MGAT4C: variants seen among roughly 807,000 people sequenced by gnomAD.
The protein encoded by MGAT4C is MGAT4 family member C.
In MGAT4C, 19 loss-of-function variants were observed where a neutral mutation model predicts 40.1. The observed-to-expected ratio is 0.47, with a 90% CI of 0.33 to 0.70. The LOEUF (loss-of-function observed/expected upper bound fraction) is 0.70, where lower values mean the gene tolerates loss of function less well. MGAT4C is among the 30% of genes least tolerant of loss of function. The probability of loss-of-function intolerance (pLI) is 0.02; values close to 1 mark genes in which losing one functional copy is unlikely to be tolerated. For synonymous variants in MGAT4C, 181 were observed against 187.1 expected (o/e 0.97, Z 0.27); for missense variants, 491 against 563.2 (o/e 0.87, Z 1.30).
At chr12:86,350,867 T>G (rs1025736316) in intron 3 of MGAT4C, among the ~76,000 whole-genome samples, 1 of 152,066 alleles carries the variant, frequency 6.6e-6, no homozygotes, top group African/African-American at 2.4e-5. Context: ...TAATACAAAT[T>G]GACACAATCT....
At chr12:86,296,425 C>T (rs534389183) in intron 4 of MGAT4C, among the ~76,000 whole-genome samples, 27 of 152,376 alleles carry the variant, frequency 1.8e-4, no homozygotes, top group East Asian at 1.7e-3. Context: ...CTTGGGCGGT[C>T]GATGGGACTG....
intron 2 of MGAT4C, among the ~76,000 whole-genome samples, chr12:86,029,864 GTGTC>G (rs1890582617): frequency 6.6e-6 from 1 of 151,798 alleles, no homozygotes; most frequent in South Asian, 2.1e-4. Context: ...AGAGGAGAAA[GTGTC>G]TGGGGATTAA....
At chr12:86,297,351 T>G (rs1953707001) in intron 4 of MGAT4C, among the ~76,000 whole-genome samples, 1 of 152,168 alleles carries the variant, frequency 6.6e-6, no homozygotes, top group Admixed American at 6.5e-5. Flanking sequence ...ATAGTATGAT[T>G]TTGCACGTGA....
intron 2 of MGAT4C, among the ~76,000 whole-genome samples, chr12:85,996,414 G>A (rs1565832861): frequency 6.6e-6 from 1 of 152,174 alleles, no homozygotes; most frequent in South Asian, 2.1e-4. Context: ...AAAGCACAGA[G>A]AGAGGGACAA....
In MGAT4C at chr12:86,276,115, C is replaced by CAA. The variant is rs138008496; in HGVS notation, c.-57+57948_-57+57949dup. ...CCTGGGCGACAGAGCAAGACTCCGTCAAAAAAAAAAAAGAAAACAAAATAA... is the reference window on the plus strand; with the variant it reads ...CCTGGGCGACAGAGCAAGACTCCGTCAAAAAAAAAAAAAAGAAAACAAAATAA... On this transcript the variant is annotated intron_variant, in intron 4 of 7. Transcript: ENST00000548651. 9.2e-3 allele frequency among the ~76,000 whole-genome samples: 1,316 copies of CAA among 142,398 alleles called. 10 individuals are homozygous for CAA. The highest frequency in any genetic ancestry group is 0.016 in the African/African-American group (611 of 38,364). 93.4% of individuals were successfully genotyped at this position (142,398 alleles called of 152,430 possible).
At chr12:86,148,064 A>C (rs1266719930) in intron 1 of MGAT4C, among the ~76,000 whole-genome samples, 1 of 152,212 alleles carries the variant, frequency 6.6e-6, no homozygotes, top group Non-Finnish European at 1.5e-5. Context: ...TACAACATCT[A>C]TATTGAAGCA....
intron 4 of MGAT4C, among the ~76,000 whole-genome samples, chr12:86,277,010 C>T (rs1388360065): frequency 6.6e-6 from 1 of 152,198 alleles, no homozygotes; most frequent in African/African-American, 2.4e-5. Flanking sequence ...AACCTCCGAA[C>T]TGTTCTCCCT....
In MGAT4C at chr12:86,803,323, C is replaced by T. The variant is rs1053007581; in HGVS notation, c.-262+35343G>A. The stretch of plus-strand genomic sequence containing the variant: ...AAACCATAAAAACCCTAGAAGAAAA[C>T]CTAGGCATTACCATTCAGGACATAG... On this transcript the variant is annotated intron_variant, in intron 1 of 7. Transcript: ENST00000548651. 9.0e-3 allele frequency among the ~76,000 whole-genome samples: 1,368 copies of T among 151,466 alleles called. 8 individuals carry two copies. The highest frequency in any genetic ancestry group is 0.02 in the Middle Eastern group (6 of 294).
chr12:86,553,795 T>C (rs576511007), intron 2 of MGAT4C, among the ~76,000 whole-genome samples: 14 of 152,286 alleles, frequency 9.2e-5, no homozygotes, highest in African/African-American at 3.4e-4. Context: ...AATTGGAAGC[T>C]TGACTTTCAG....
At chr12:86,818,800 G>T (rs968568582) in intron 1 of MGAT4C, among the ~76,000 whole-genome samples, 1 of 151,030 alleles carries the variant, frequency 6.6e-6, no homozygotes, top group Non-Finnish European at 1.5e-5. Flanking sequence ...TGAATTCTTA[G>T]AACTCAATAA....
chr12:86,610,999 T>C (rs1342526174), intron 2 of MGAT4C, among the ~76,000 whole-genome samples: 2 of 151,676 alleles, frequency 1.3e-5, no homozygotes, highest in Non-Finnish European at 2.9e-5. Flanking sequence ...CTGACTCTGG[T>C]AAGTTCTCTC....
chr12:86,769,298 C>T (rs941672141), intron 1 of MGAT4C, among the ~76,000 whole-genome samples: 12 of 152,012 alleles, frequency 7.9e-5, no homozygotes, highest in Non-Finnish European at 1.5e-4. Context: ...CAGAGAAATG[C>T]AAATCAAAAC....
At chr12:86,322,239 G>A (rs973760271) in intron 4 of MGAT4C, among the ~76,000 whole-genome samples, 2 of 110,848 alleles carry the variant, frequency 1.8e-5, no homozygotes, top group African/African-American at 6.4e-5. Context: ...GGGGGGAGGG[G>A]GGAGGGAGAG....
chr12:86,168,457 T>C (rs991486958), intron 1 of MGAT4C, among the ~76,000 whole-genome samples: 1 of 152,086 alleles, frequency 6.6e-6, no homozygotes, highest in African/African-American at 2.4e-5. Flanking sequence ...TTGAGAGATA[T>C]TGTATAAAGC....
chr12:85,984,521 G>C (rs909827004), intron 3 of MGAT4C, among the ~76,000 whole-genome samples: 3 of 152,048 alleles, frequency 2.0e-5, no homozygotes, highest in Non-Finnish European at 2.9e-5. Context: ...TTCATATTCA[G>C]ATTAAAATAT....
At chr12:86,512,607 C>T (rs1489613188) in intron 2 of MGAT4C, among the ~76,000 whole-genome samples, 3 of 151,978 alleles carry the variant, frequency 2.0e-5, no homozygotes, top group Non-Finnish European at 4.4e-5. Context: ...ATTAATAAAA[C>T]AAGAAAATTC....
chr12:86,573,367 GA>G (rs1960442316), intron 2 of MGAT4C, among the ~76,000 whole-genome samples: 1 of 151,920 alleles, frequency 6.6e-6, no homozygotes, highest in Non-Finnish European at 1.5e-5. Context: ...GTATCTATAA[GA>G]AAATTAAGAC....
intron 1 of MGAT4C, among the ~76,000 whole-genome samples, chr12:86,156,398 C>T (rs1232011544): frequency 6.6e-6 from 1 of 152,150 alleles, no homozygotes; most frequent in Non-Finnish European, 1.5e-5. Context: ...TCTCGGCTCA[C>T]CGCAACCTCC....
chr12:86,243,312 C>T (rs544978779), intron 1 of MGAT4C, among the ~76,000 whole-genome samples: 1 of 152,284 alleles, frequency 6.6e-6, no homozygotes, highest in South Asian at 2.1e-4. Flanking sequence ...AATGATTTGG[C>T]AGTGGCAGCT....
Sources: allele counts gnomAD v4.1 joint callset (sites outside exome capture counted in the v4.1 genomes callset), GRCh38; gene constraint gnomAD v4.1.1; transcripts MANE v1.5; gene names NCBI Gene and HGNC (gene_info 2026-07-23, HGNC 2026-07-21).